MARCHF11: variants seen among roughly 807,000 people sequenced by gnomAD.
MARCHF11 encodes E3 ubiquitin-protein ligase MARCHF11.
Under a neutral mutation model 37.3 loss-of-function variants are expected in MARCHF11, and 29 were observed. The observed-to-expected ratio is 0.78, with a 90% CI of 0.58 to 1.06. The LOEUF (loss-of-function observed/expected upper bound fraction) is 1.06. Ranked by LOEUF, MARCHF11 falls within the 50% of genes least tolerant of loss-of-function variation. The pLI, the probability that MARCHF11 is intolerant of heterozygous loss-of-function variation, is 0.00. For synonymous variants in MARCHF11, 233 were observed against 228.0 expected, an observed-to-expected ratio of 1.02 and a Z score of -0.20; for missense variants, 482 against 533.4, an observed-to-expected ratio of 0.90 and a Z score of 0.95.
intron 2 of MARCHF11, among the ~76,000 whole-genome samples, chr5:16,174,961 G>A (rs1046237371): frequency 1.5e-4 from 23 of 152,312 alleles, no homozygotes; most frequent in African/African-American, 5.5e-4. Context: ...TCACTTCCAA[G>A]GCTATGCCTT....
chr5:16,166,652 A>G (rs1319026696), intron 2 of MARCHF11, among the ~76,000 whole-genome samples: 3 of 152,080 alleles, frequency 2.0e-5, no homozygotes, highest in Non-Finnish European at 2.9e-5. Context: ...GTATTTCTAT[A>G]TGTAATCATT....
intron 2 of MARCHF11, among the ~76,000 whole-genome samples, chr5:16,095,463 G>GGGAAGGAAGGAA (rs200720532): frequency 7.6e-6 from 1 of 132,144 alleles, no homozygotes. Flanking sequence ...CAGGGAAGGA[G>GGGAAGGAAGGAA]GGAAGGAAGG....
intron 2 of MARCHF11, among the ~76,000 whole-genome samples, chr5:16,144,648 C>T (rs556237062): frequency 6.6e-6 from 1 of 152,276 alleles, no homozygotes; most frequent in South Asian, 2.1e-4. Context: ...GAGGAATGTA[C>T]AGATATGAGT....
intron 2 of MARCHF11, among the ~76,000 whole-genome samples, chr5:16,098,480 T>C (rs991779514): frequency 1.3e-5 from 2 of 152,114 alleles, no homozygotes; most frequent in African/African-American, 2.4e-5. Context: ...AAATACAAGA[T>C]AACAGGCAGA....
chr5:16,125,625 G>C (rs1038472761), intron 2 of MARCHF11, among the ~76,000 whole-genome samples: 368 of 29,584 alleles, frequency 0.012, 5 homozygotes, highest in African/African-American at 0.1. Flanking sequence ...CTCTCTGTGT[G>C]TGTGTGTGTG....
At chr5:16,110,303 G>A (rs1737115032) in intron 2 of MARCHF11, among the ~76,000 whole-genome samples, 1 of 152,012 alleles carries the variant, frequency 6.6e-6, no homozygotes, top group South Asian at 2.1e-4. Flanking sequence ...TTTGGGTTAG[G>A]GCAGTGAGAC....
intron 2 of MARCHF11, among the ~76,000 whole-genome samples, chr5:16,115,602 A>G (rs890129545): frequency 2.6e-5 from 4 of 151,222 alleles, no homozygotes; most frequent in Non-Finnish European, 5.9e-5. Context: ...ATTTTGCACC[A>G]GTTTAATTGA....
At chr5:16,173,968 C>T (rs1222827120) in intron 2 of MARCHF11, among the ~76,000 whole-genome samples, 2 of 152,194 alleles carry the variant, frequency 1.3e-5, no homozygotes, top group African/African-American at 4.8e-5. Context: ...CTTCCATTTA[C>T]ATAGCTTTTT....
chr5:16,079,877 G>A (rs1379927668), intron 3 of MARCHF11, among the ~76,000 whole-genome samples: 1 of 152,138 alleles, frequency 6.6e-6, no homozygotes, highest in Admixed American at 6.5e-5. Flanking sequence ...GATCCCTCCT[G>A]TGCAAGGCAA....
chr5:16,179,433 T>C lies in MARCHF11; in HGVS notation c.143A>G (p.Tyr48Cys). 1 of 1,112,840 alleles carries C rather than the reference T, an allele frequency of 9.0e-7. No individual in the cohort carries two copies. Among genetic ancestry groups the C allele is most frequent in the Non-Finnish European group, 1.1e-6 (1 of 913,932 alleles). 68.9% of individuals were successfully genotyped at this position (1,112,840 alleles called of 1,614,324 possible). A position where few individuals can be genotyped will look rare whatever the true frequency, so the allele number is the denominator to read the frequency against. Residue 48 changes from tyrosine (Y) to cysteine (C), a missense_variant, in exon 1 of 4, where the codon TAC becomes TGC. By Grantham distance (194) the Tyr-to-Cys change is radical. Coordinates refer to ENST00000332432, the MANE Select transcript of MARCHF11 (RefSeq NM_001102562.3). ...GGGGGACGCGGGCAGCGGCGGCAGG[T>C]AGCGCGGGGCCGCGGGGACCGGGGC... ...EPAPVPAAPR[Y>C]LPPLPASPET...
intron 3 of MARCHF11, among the ~76,000 whole-genome samples, chr5:16,090,269 G>A (rs1292284200): frequency 6.6e-6 from 1 of 152,092 alleles, no homozygotes; most frequent in Non-Finnish European, 1.5e-5. Context: ...ACAACAGATG[G>A]GTCAAAGGAA....
At chr5:16,109,480 G>A (rs1737101135) in intron 2 of MARCHF11, among the ~76,000 whole-genome samples, 1 of 152,218 alleles carries the variant, frequency 6.6e-6, no homozygotes, top group Non-Finnish European at 1.5e-5. Context: ...CTGCCCGGAG[G>A]ATGGTGCCCG....
At chr5:16,151,178 T>C (rs1406942502) in intron 2 of MARCHF11, among the ~76,000 whole-genome samples, 16 of 152,086 alleles carry the variant, frequency 1.1e-4, no homozygotes, top group Admixed American at 5.2e-4. Flanking sequence ...CAATAGGATG[T>C]GAAAAATCTT....
intron 2 of MARCHF11, among the ~76,000 whole-genome samples, chr5:16,133,194 G>A (rs1445642991): frequency 6.6e-6 from 1 of 152,056 alleles, no homozygotes; most frequent in Admixed American, 6.6e-5. Flanking sequence ...CTAAGAAGTA[G>A]AGTGTATTTC....
chr5:16,174,471 A>T (rs185968063), intron 2 of MARCHF11, among the ~76,000 whole-genome samples: 1 of 152,348 alleles, frequency 6.6e-6, no homozygotes, highest in African/African-American at 2.4e-5. Flanking sequence ...TTCTCAAAGA[A>T]TTCAAATCTC....
At chr5:16,126,871 G>T (rs1002055481) in intron 2 of MARCHF11, among the ~76,000 whole-genome samples, 1 of 152,156 alleles carries the variant, frequency 6.6e-6, no homozygotes, top group Non-Finnish European at 1.5e-5. Context: ...ATTACTAGGT[G>T]TTAACATTTT....
chr5:16,096,178 A>G (rs1362248885), intron 2 of MARCHF11, among the ~76,000 whole-genome samples: 1 of 152,214 alleles, frequency 6.6e-6, no homozygotes, highest in African/African-American at 2.4e-5. Flanking sequence ...GGGCTCAGTC[A>G]TACCTACTTG....
intron 3 of MARCHF11, among the ~76,000 whole-genome samples, chr5:16,076,107 T>C (rs779374128): frequency 1.3e-5 from 2 of 152,230 alleles, no homozygotes; most frequent in Non-Finnish European, 2.9e-5. Flanking sequence ...CTCTGACCTC[T>C]TGCTTTTCTA....
intron 2 of MARCHF11, among the ~76,000 whole-genome samples, chr5:16,118,105 A>T (rs1303498408): frequency 6.6e-6 from 1 of 152,226 alleles, no homozygotes; most frequent in Non-Finnish European, 1.5e-5. Flanking sequence ...CCTGGCAGAC[A>T]GAAGAGTGCC....
Sources: allele counts gnomAD v4.1 joint callset (sites outside exome capture counted in the v4.1 genomes callset), GRCh38; gene constraint gnomAD v4.1.1; transcripts MANE v1.5; gene names NCBI Gene and HGNC (gene_info 2026-07-23, HGNC 2026-07-21).